Variants in NRXN3 observed in about 807,000 individuals in gnomAD.
NRXN3 encodes the protein neurexin 3.
Under a neutral mutation model 137.6 loss-of-function variants are expected in NRXN3, and 32 were observed. The ratio of observed to expected loss-of-function variants is 0.23; its 90% CI spans 0.18 to 0.31. The LOEUF (loss-of-function observed/expected upper bound fraction) is 0.31, where lower values mean the gene tolerates loss of function less well. NRXN3 is among the 10% of genes least tolerant of loss of function. The pLI, the probability that NRXN3 is intolerant of heterozygous loss-of-function variation, is 1.00. For synonymous variants in NRXN3, 798 were observed against 784.5 expected (o/e 1.02, Z -0.29); for missense variants, 1,574 against 2,062.5 (o/e 0.76, Z 4.59).
At chr14:78,295,798 G>A (rs778425505) in intron 3 of NRXN3, among the ~76,000 whole-genome samples, 6 of 152,082 alleles carry the variant, frequency 3.9e-5, no homozygotes, top group Non-Finnish European at 5.9e-5. Flanking sequence ...AAGATAAAGC[G>A]CAATGATAGA....
chr14:79,346,507 A>G (rs2153377884), intron 15 of NRXN3, among the ~76,000 whole-genome samples: 1 of 152,292 alleles, frequency 6.6e-6, no homozygotes, highest in Admixed American at 6.5e-5. Context: ...TGCCAAAAAA[A>G]AGACCATTCA....
At chr14:79,396,930 G>A (rs528815470) in intron 15 of NRXN3, among the ~76,000 whole-genome samples, 1 of 152,198 alleles carries the variant, frequency 6.6e-6, no homozygotes, top group African/African-American at 2.4e-5. Flanking sequence ...ACTGAAGAAA[G>A]AAAATCCTAC....
At chr14:78,236,735 C>CA (rs992323176) in intron 1 of NRXN3, among the ~76,000 whole-genome samples, 1 of 145,146 alleles carries the variant, frequency 6.9e-6, no homozygotes, top group Admixed American at 6.9e-5. Context: ...TTATTCCCCC[C>CA]CCCCTTTTTT....
chr14:79,176,302 G>A lies in NRXN3; in HGVS notation c.3262+188161G>A, dbSNP rs1395301369. On this transcript the variant is annotated intron_variant, in intron 15 of 20. Transcript: ENST00000335750. Reference sequence around the variant, plus strand: ...AGATAGCTTTAGGAATCAGAAAGAGGCACTGATTGTAAACCTGAAAGTGTG... The same window carrying A: ...AGATAGCTTTAGGAATCAGAAAGAGACACTGATTGTAAACCTGAAAGTGTG... Among the ~76,000 whole-genome samples the A allele has an allele frequency of 2.0e-5, 3 of 152,154 alleles. No individual in the cohort carries two copies. In the East Asian group the frequency reaches 5.8e-4, roughly 29 times the overall value.
At chr14:78,870,511 A>G (rs1386375615) in intron 10 of NRXN3, among the ~76,000 whole-genome samples, 5 of 151,862 alleles carry the variant, frequency 3.3e-5, no homozygotes, top group Admixed American at 6.6e-5. Context: ...AGCATTTATC[A>G]TTTTTTTTGT....
intron 19 of NRXN3, among the ~76,000 whole-genome samples, chr14:79,759,948 G>A (rs1423040240): frequency 6.6e-6 from 1 of 151,630 alleles, no homozygotes; most frequent in African/African-American, 2.4e-5. Flanking sequence ...CATAAGAATA[G>A]GATCAGGAAA....
intron 15 of NRXN3, among the ~76,000 whole-genome samples, chr14:78,988,532 T>C (rs112148592): frequency 6.6e-6 from 1 of 152,196 alleles, no homozygotes; most frequent in African/African-American, 2.4e-5. Context: ...CCCTTTTGCA[T>C]TGCCTAGAAT....
At chr14:79,696,612 A>G (rs540735069) in intron 18 of NRXN3, among the ~76,000 whole-genome samples, 4 of 152,064 alleles carry the variant, frequency 2.6e-5, no homozygotes, top group African/African-American at 9.6e-5. Context: ...CTCATACTTG[A>G]GAGTTTTATA....
chr14:78,467,546 A>T (rs771384503), intron 4 of NRXN3, among the ~76,000 whole-genome samples: 18 of 152,288 alleles, frequency 1.2e-4, no homozygotes, highest in Admixed American at 4.6e-4. Flanking sequence ...TGTTATGTTG[A>T]CTCAGTCTTT....
chr14:79,515,778 C>T (rs1048543096), intron 16 of NRXN3, among the ~76,000 whole-genome samples: 1 of 152,126 alleles, frequency 6.6e-6, no homozygotes. Flanking sequence ...GACACCTTGA[C>T]AGATAAGTGA....
chr14:79,352,313 G>A (rs1050332955), intron 15 of NRXN3, among the ~76,000 whole-genome samples: 1 of 152,038 alleles, frequency 6.6e-6, no homozygotes, highest in African/African-American at 2.4e-5. Context: ...GTAGCTAAAT[G>A]TTATGTTCTT....
At chr14:79,220,123 T>C (rs1161161003) in intron 15 of NRXN3, among the ~76,000 whole-genome samples, 1 of 152,224 alleles carries the variant, frequency 6.6e-6, no homozygotes, top group African/African-American at 2.4e-5. Context: ...CTATCTTTAT[T>C]TCTTAGTTTC....
At chr14:78,241,709 T>C (rs1418566683) in intron 1 of NRXN3, among the ~76,000 whole-genome samples, 1 of 152,134 alleles carries the variant, frequency 6.6e-6, no homozygotes, top group Non-Finnish European at 1.5e-5. Context: ...TATTATTTTC[T>C]CTACTTTACA....
At chr14:78,895,360 G>A (rs2099170421) in intron 10 of NRXN3, among the ~76,000 whole-genome samples, 1 of 151,820 alleles carries the variant, frequency 6.6e-6, no homozygotes, top group Admixed American at 6.6e-5. Context: ...TAAACCTCAT[G>A]AACCAATATC....
chr14:79,778,495 C>T (rs1386010894), intron 19 of NRXN3, among the ~76,000 whole-genome samples: 3 of 152,094 alleles, frequency 2.0e-5, no homozygotes, highest in Non-Finnish European at 4.4e-5. Context: ...CCCTACTACC[C>T]GGCAGCAGAC....
intron 19 of NRXN3, among the ~76,000 whole-genome samples, chr14:79,704,304 C>T (rs554751277): frequency 5.1e-4 from 77 of 152,272 alleles, no homozygotes; most frequent in South Asian, 4.1e-3. Flanking sequence ...AGATATTCTC[C>T]AGGTCTTCAA....
intron 4 of NRXN3, among the ~76,000 whole-genome samples, chr14:78,375,699 A>G (rs531852276): frequency 1.3e-5 from 2 of 152,332 alleles, no homozygotes; most frequent in East Asian, 3.9e-4. Context: ...TGGCAATGGA[A>G]GAGGTCTATT....
In NRXN3 at chr14:79,174,501, T is replaced by TTATATATATATATATATATA. The variant is rs68143466; in HGVS notation, c.3262+186378_3262+186379insTATATATATATATATATATA. ...TGAATGGCAGTTTCTATTGAAAGTTTTATATATATATATATATACACACAC... is the reference window on the plus strand; with the variant it reads ...TGAATGGCAGTTTCTATTGAAAGTTTTATATATATATATATATATATATATATATATATATATACACACAC... On this transcript the variant is annotated intron_variant, in intron 15 of 20. Transcript: ENST00000335750. Among the ~76,000 whole-genome samples the TTATATATATATATATATATA allele has an allele frequency of 4.2e-5, 6 of 143,552 alleles. No homozygotes were observed. The East Asian group carries it at 6.2e-4, about 15-fold the overall frequency. The allele number at this position is 143,552 out of a possible 152,430, so 94.2% of individuals were successfully genotyped here.
chr14:79,210,958 G>A (rs1313801108), intron 15 of NRXN3, among the ~76,000 whole-genome samples: 1 of 151,858 alleles, frequency 6.6e-6, no homozygotes, highest in Non-Finnish European at 1.5e-5. Context: ...GGTTATTTTT[G>A]CCACCTGCTT....
Sources: gnomAD v4.1 joint callset for allele counts (sites outside exome capture counted in the v4.1 genomes callset) on GRCh38, gnomAD v4.1.1 for gene constraint, MANE v1.5 for transcripts, NCBI Gene and HGNC (gene_info 2026-07-23, HGNC 2026-07-21) for gene names.